Variants in RARS1 observed in about 807,000 individuals in gnomAD.
The protein encoded by RARS1 is arginyl-tRNA synthetase 1, also known as arginine--tRNA ligase, cytoplasmic.
A neutral mutation model predicts 78.7 loss-of-function variants in RARS1; 75 were observed. The observed-to-expected ratio is 0.95, with a 90% CI of 0.79 to 1.15. The LOEUF is 1.15. RARS1 is among the 50% of genes most tolerant of loss of function. The pLI, the probability that RARS1 is intolerant of heterozygous loss-of-function variation, is 0.00. For synonymous variants in RARS1, 273 were observed against 268.2 expected, an observed-to-expected ratio of 1.02 and a Z score of -0.18; for missense variants, 787 against 787.5, an observed-to-expected ratio of 1.00 and a Z score of 0.01.
chr5:168,500,823 G>A (rs1758304796), intron 8 of RARS1, 103 bp downstream of exon 8: 1 of 1,361,436 alleles, frequency 7.3e-7, no homozygotes. Context: ...AACCTTCTAA[G>A]GACAGGCAAA....
intron 14 of RARS1, among the ~76,000 whole-genome samples, chr5:168,518,461 A>G (rs1223354660): frequency 6.6e-6 from 1 of 152,180 alleles, no homozygotes; most frequent in South Asian, 2.1e-4. Context: ...CTACTTTTCT[A>G]CAATTAGGCA....
chr5:168,495,297 T>A lies in RARS1; in HGVS notation c.580-18T>A, dbSNP rs762969505. On this transcript the variant is annotated intron_variant, in intron 5 of 14. Transcript: ENST00000231572. Reference sequence around the variant, plus strand: ...TTTATGCCCCTCTTAACAGCCTTTCTCTTTTTGTCTACCCCAGGTTATAGT... The same window carrying A: ...TTTATGCCCCTCTTAACAGCCTTTCACTTTTTGTCTACCCCAGGTTATAGT... The A allele has an allele frequency of 1.2e-6, 2 of 1,612,100 alleles. No homozygotes were observed. Among genetic ancestry groups the A allele is most frequent in the Non-Finnish European group, 1.7e-6 (2 of 1,178,802 alleles).
At chr5:168,493,026 T>G (rs1758118537) in intron 3 of RARS1, 179 bp downstream of exon 3, 1 of 541,898 alleles carries the variant, frequency 1.8e-6, no homozygotes, top group Non-Finnish European at 3.2e-6. Flanking sequence ...TTAGGCACAA[T>G]TTTTAAGGTT....
intron 2 of RARS1, among the ~76,000 whole-genome samples, chr5:168,491,425 C>T (rs1455178773): frequency 2.6e-5 from 4 of 152,174 alleles, no homozygotes; most frequent in Non-Finnish European, 1.5e-5. Flanking sequence ...TGTTGGAAAT[C>T]TTTAGATTGG....
intron 10 of RARS1, 128 bp downstream of exon 10, chr5:168,506,327 A>G (rs891735505): frequency 5.1e-6 from 4 of 782,180 alleles, no homozygotes; most frequent in African/African-American, 1.8e-5. Context: ...GGACATCAGT[A>G]TAGCATAGAA....
chr5:168,507,877 CAA>C (rs1195791208), intron 11 of RARS1, among the ~76,000 whole-genome samples: 10 of 97,284 alleles, frequency 1.0e-4, no homozygotes, highest in Non-Finnish European at 1.1e-4. Context: ...CCATATCTGC[CAA>C]AAAAAAAAAA....
rs376556548 is a variant in RARS1, at chr5:168,502,382, A to ATTT, written c.1057+278_1057+279insTTT. 0.082 allele frequency among the ~76,000 whole-genome samples: 9,727 copies of ATTT among 118,792 alleles called. 440 individuals are homozygous for ATTT. The highest frequency in any genetic ancestry group is 0.12 in the Non-Finnish European group (7,220 of 61,214). The allele number at this position is 118,792 out of a possible 152,430, so 77.9% of individuals were successfully genotyped here. ...AACAAATATATATATATATATATAT[A>ATTT]TATTTTTTTTTTTTAAAACAATCTT... On this transcript the variant is annotated intron_variant, in intron 9 of 14. Transcript: ENST00000231572.
intron 12 of RARS1, among the ~76,000 whole-genome samples, chr5:168,510,966 A>G (rs185203213): frequency 6.8e-4 from 104 of 152,258 alleles, no homozygotes; most frequent in African/African-American, 2.3e-3. Context: ...AAGATGGGAG[A>G]ATATTGCAGA....
chr5:168,496,894 C>G (rs535007814), intron 6 of RARS1: 42 of 193,662 alleles, frequency 2.2e-4, no homozygotes, highest in African/African-American at 7.6e-4. Flanking sequence ...TGGGAATAAC[C>G]AACATTGGCC....
At position 168,511,868 on chromosome 5, in the gene RARS1, G is replaced by A. The variant is rs1223389103; in HGVS notation, c.1452+1182G>A. Among the ~76,000 whole-genome samples, 3 of 151,856 alleles carry A rather than the reference G, an allele frequency of 2.0e-5. No individual in the cohort carries two copies. In the South Asian group the frequency reaches 6.2e-4, roughly 32 times the overall value. ...TGCATCAGTAGTTCATATGTTTTTGGTTTTGTTTTGTTTTTGAGACAGAGT... is the reference window on the plus strand; with the variant it reads ...TGCATCAGTAGTTCATATGTTTTTGATTTTGTTTTGTTTTTGAGACAGAGT... On this transcript the variant is annotated intron_variant, in intron 12 of 14. Transcript: ENST00000231572.
chr5:168,500,319 A>G (rs535506017), intron 7 of RARS1, among the ~76,000 whole-genome samples: 137 of 152,212 alleles, frequency 9.0e-4, no homozygotes, highest in Admixed American at 1.6e-3. Flanking sequence ...ACCCTTGAAC[A>G]CAAAAGTATT....
chr5:168,502,698 C>T (rs932670014), intron 9 of RARS1, among the ~76,000 whole-genome samples: 34 of 151,046 alleles, frequency 2.3e-4, no homozygotes, highest in Non-Finnish European at 4.0e-4. Flanking sequence ...CAGCCTCCTA[C>T]GTAGCAGGAA....
At position 168,506,063 on chromosome 5, in the gene RARS1, C is replaced by T. The variant is rs201937876; in HGVS notation, c.1100C>T (p.Pro367Leu). Residue 367 changes from proline (P) to leucine (L), a missense_variant, in exon 10 of 15, where the codon CCA becomes CTA. Physicochemically the swap from Pro to Leu is moderately conservative, Grantham distance 98 (BLOSUM62 -3). Transcript: ENST00000231572. ...GATGGCAGAAAGATTGTATTTGTCC[C>T]AGGGTGTTCCATACCATTAACCATA... ...VDDGRKIVFVPGCSIPLTIVK... is the reference protein window; with the variant it reads ...VDDGRKIVFVLGCSIPLTIVK... 6.2e-7 allele frequency: 1 copy of T among 1,606,894 alleles called. No homozygotes were observed. The highest frequency in any genetic ancestry group is 1.7e-5 in the Admixed American group (1 of 59,036).
At chr5:168,508,602 A>G (rs1482514837) in intron 11 of RARS1, among the ~76,000 whole-genome samples, 1 of 142,210 alleles carries the variant, frequency 7.0e-6, no homozygotes, top group East Asian at 2.0e-4. Flanking sequence ...CGTGGGCGAC[A>G]GAGCAAGACT....
chr5:168,510,447 G>T, intron 11 of RARS1, 134 bp from the exon 12 acceptor site: 1 of 681,762 alleles, frequency 1.5e-6, no homozygotes, highest in East Asian at 2.8e-5. Context: ...ATAGTTCTCA[G>T]GGGCAATATG....
rs74487766 is a variant in RARS1, at chr5:168,509,878, G to A, written c.1347-703G>A. Among the ~76,000 whole-genome samples the A allele has an allele frequency of 3.9e-3, 598 of 152,240 alleles. 3 individuals are homozygous for A. The highest frequency in any genetic ancestry group is 0.014 in the African/African-American group (569 of 41,536). On this transcript the variant is annotated intron_variant, in intron 11 of 14. Coordinates refer to ENST00000231572, the MANE Select transcript of RARS1 (RefSeq NM_002887.4). ...ATTAGCTACTTGGGAGGGTAAGGTA[G>A]AAGTATTACTTAAGCCCAGGAGTTC...
chr5:168,511,195 A>ATTT (rs112853562), intron 12 of RARS1, among the ~76,000 whole-genome samples: 2 of 143,988 alleles, frequency 1.4e-5, no homozygotes, highest in Non-Finnish European at 3.0e-5. Flanking sequence ...AACAAGAAAA[A>ATTT]TTTTTTTTTT....
intron 5 of RARS1, chr5:168,494,872 A>G: frequency 2.3e-6 from 1 of 437,316 alleles, no homozygotes. Context: ...AAAGAAAAAG[A>G]AAAACGAACT....
At chr5:168,517,793 T>C in intron 13 of RARS1, 22 bp from the exon 14 acceptor site, 2 of 1,540,162 alleles carry the variant, frequency 1.3e-6, no homozygotes, top group East Asian at 2.5e-5. Flanking sequence ...GATTGCCTGA[T>C]GATTTTTTTG....
Sources: allele counts gnomAD v4.1 joint callset (sites outside exome capture counted in the v4.1 genomes callset), GRCh38; gene constraint gnomAD v4.1.1; transcripts MANE v1.5; gene names NCBI Gene and HGNC (gene_info 2026-07-23, HGNC 2026-07-21).